Variants in PPFIA2 observed in about 807,000 individuals in gnomAD.
The protein encoded by PPFIA2 is PPFI scaffold protein A2.
A neutral mutation model predicts 175.5 loss-of-function variants in PPFIA2; 46 were observed. That is an observed-to-expected ratio of 0.26 (90% CI 0.21 to 0.34). PPFIA2 has a LOEUF of 0.34. PPFIA2 is among the 10% of genes least tolerant of loss of function. The pLI is 1.00. For synonymous variants in PPFIA2, 568 were observed against 511.4 expected (o/e 1.11, Z -1.49); for missense variants, 1,179 against 1,506.1 (o/e 0.78, Z 3.60).
In PPFIA2 at chr12:81,677,841, G is replaced by A. The variant is rs183720438; in HGVS notation, c.250-997C>T. Reference sequence around the variant, plus strand: ...TGGTGTGATAAGCTGTAGAGGCTGTGACCTGTTTATAGGGACAACTACAAC... The same window carrying A: ...TGGTGTGATAAGCTGTAGAGGCTGTAACCTGTTTATAGGGACAACTACAAC... On this transcript the variant is annotated intron_variant, in intron 3 of 32. Transcript: ENST00000549396. Among the ~76,000 whole-genome samples the A allele has an allele frequency of 7.9e-5, 12 of 151,980 alleles. No homozygotes were observed. In the East Asian group the frequency reaches 2.3e-3, roughly 30 times the overall value.
At chr12:81,466,308 C>T (rs540515247) in intron 4 of PPFIA2, among the ~76,000 whole-genome samples, 18 of 152,144 alleles carry the variant, frequency 1.2e-4, no homozygotes, top group Admixed American at 1.2e-3. Context: ...GTTAACATAT[C>T]ATGGTGACTT....
intron 28 of PPFIA2, among the ~76,000 whole-genome samples, chr12:81,275,132 A>G (rs1448274757): frequency 6.6e-6 from 1 of 152,220 alleles, no homozygotes; most frequent in Admixed American, 6.5e-5. Context: ...GTCACATGCA[A>G]ACTTCCTTCT....
chr12:81,562,179 GT>G (rs777852231), intron 4 of PPFIA2, among the ~76,000 whole-genome samples: 40 of 152,050 alleles, frequency 2.6e-4, no homozygotes, highest in Non-Finnish European at 4.7e-4. Context: ...AAAAAGAAAT[GT>G]AACTTAGAGG....
intron 22 of PPFIA2, among the ~76,000 whole-genome samples, chr12:81,318,957 GT>G (rs2053051575): frequency 6.6e-6 from 1 of 151,622 alleles, no homozygotes; most frequent in African/African-American, 2.4e-5. Flanking sequence ...TCATTTTCAT[GT>G]TCTATTAATA....
intron 4 of PPFIA2, among the ~76,000 whole-genome samples, chr12:81,620,520 C>G (rs1280604999): frequency 6.6e-6 from 1 of 152,136 alleles, no homozygotes; most frequent in African/African-American, 2.4e-5. Flanking sequence ...AGGTGAGAGA[C>G]AGCCAGAAAG....
chr12:81,547,226 C>A (rs1329863097), intron 4 of PPFIA2, among the ~76,000 whole-genome samples: 10 of 152,004 alleles, frequency 6.6e-5, no homozygotes, highest in Non-Finnish European at 1.5e-4. Context: ...TTTTACTAAC[C>A]AAAACTCCTG....
chr12:81,674,524 T>C (rs946158372), intron 4 of PPFIA2, among the ~76,000 whole-genome samples: 4 of 151,978 alleles, frequency 2.6e-5, no homozygotes, highest in Non-Finnish European at 5.9e-5. Context: ...AAAAATTAGT[T>C]GGGCATGCTG....
intron 9 of PPFIA2, chr12:81,378,222 T>G (rs1462963352): frequency 6.6e-6 from 1 of 152,000 alleles, no homozygotes; most frequent in Non-Finnish European, 1.5e-5. Context: ...GACTAAATTA[T>G]GGTTGTTTTA....
At chr12:81,474,533 C>A (rs1787593702) in intron 4 of PPFIA2, among the ~76,000 whole-genome samples, 4 of 152,140 alleles carry the variant, frequency 2.6e-5, no homozygotes, top group Admixed American at 2.0e-4. Context: ...CTCAAGTGAT[C>A]CGCCTGTGCC....
intron 4 of PPFIA2, among the ~76,000 whole-genome samples, chr12:81,526,423 C>T (rs548657786): frequency 6.6e-6 from 1 of 152,252 alleles, no homozygotes; most frequent in African/African-American, 2.4e-5. Flanking sequence ...GATTGAAGAC[C>T]TGTACCACCA....
intron 4 of PPFIA2, among the ~76,000 whole-genome samples, chr12:81,634,837 C>T (rs1238024077): frequency 1.3e-5 from 2 of 151,784 alleles, no homozygotes; most frequent in Non-Finnish European, 2.9e-5. Context: ...TCCAAATTTC[C>T]TTCTTTTGTT....
At chr12:81,304,069 A>T (rs895369418) in intron 22 of PPFIA2, among the ~76,000 whole-genome samples, 1 of 152,098 alleles carries the variant, frequency 6.6e-6, no homozygotes, top group African/African-American at 2.4e-5. Flanking sequence ...ATCTCCCCAC[A>T]TACTTTGTCT....
chr12:81,428,715 G>T (rs2047578181), intron 7 of PPFIA2, among the ~76,000 whole-genome samples: 1 of 151,776 alleles, frequency 6.6e-6, no homozygotes, highest in South Asian at 2.1e-4. Flanking sequence ...AAAATCCATT[G>T]TTCAACCATT....
intron 4 of PPFIA2, among the ~76,000 whole-genome samples, chr12:81,673,287 C>T (rs769237217): frequency 6.6e-6 from 1 of 152,072 alleles, no homozygotes; most frequent in Non-Finnish European, 1.5e-5. Flanking sequence ...AGAGTTCATG[C>T]ATTGCACCCC....
At chr12:81,616,819 A>G (rs1027225227) in intron 4 of PPFIA2, among the ~76,000 whole-genome samples, 2 of 152,210 alleles carry the variant, frequency 1.3e-5, no homozygotes, top group African/African-American at 4.8e-5. Context: ...ACATGATTAC[A>G]GTGCTTTAGA....
intron 26 of PPFIA2, 129 bp downstream of exon 26, chr12:81,282,881 C>G: frequency 1.5e-6 from 1 of 673,292 alleles, no homozygotes; most frequent in Non-Finnish European, 2.6e-6. Context: ...CTACATTTAC[C>G]TATACACATC....
chr12:81,468,635 A>C (rs544102303), intron 4 of PPFIA2, among the ~76,000 whole-genome samples: 58 of 152,350 alleles, frequency 3.8e-4, no homozygotes, highest in African/African-American at 1.3e-3. Context: ...TAAACAAAAC[A>C]AAACAAAACA....
chr12:81,317,785 A>T (rs2139442402), intron 22 of PPFIA2, among the ~76,000 whole-genome samples: 1 of 151,808 alleles, frequency 6.6e-6, no homozygotes, highest in African/African-American at 2.4e-5. Context: ...TATGTTAAAA[A>T]TTCAAAGATT....
intron 4 of PPFIA2, among the ~76,000 whole-genome samples, chr12:81,650,230 C>T (rs1401315960): frequency 2.6e-5 from 4 of 151,922 alleles, no homozygotes; most frequent in Admixed American, 2.0e-4. Context: ...AGGATGGTCT[C>T]GATCTCCTGA....
Sources: allele counts gnomAD v4.1 joint callset (sites outside exome capture counted in the v4.1 genomes callset), GRCh38; gene constraint gnomAD v4.1.1; transcripts MANE v1.5; gene names NCBI Gene and HGNC (gene_info 2026-07-23, HGNC 2026-07-21).